The following EYS variants were observed in gnomAD, a reference collection of about 807,000 sequenced individuals.
EYS encodes protein eyes shut homolog.
In EYS, 250 loss-of-function variants were observed where a neutral mutation model predicts 282.1. That is an observed-to-expected ratio of 0.89 (90% CI 0.80 to 0.98). The LOEUF (loss-of-function observed/expected upper bound fraction) is 0.98, where lower values mean the gene tolerates loss of function less well. EYS is among the 50% of genes least tolerant of loss of function. The probability of loss-of-function intolerance (pLI) is 0.00; values close to 1 mark genes in which losing one functional copy is unlikely to be tolerated. For synonymous variants in EYS, 1,355 were observed against 1,282.9 expected, an observed-to-expected ratio of 1.06 and a Z score of -1.20; for missense variants, 4,016 against 3,709.0, an observed-to-expected ratio of 1.08 and a Z score of -2.15.
At chr6:65,316,563 G>A (rs544810874) in intron 11 of EYS, among the ~76,000 whole-genome samples, 2 of 150,196 alleles carry the variant, frequency 1.3e-5, no homozygotes, top group Admixed American at 6.7e-5. Context: ...CAAGTGCCAC[G>A]GTGGTTTGCT....
chr6:64,388,098 A>G (rs1772972807), intron 29 of EYS, among the ~76,000 whole-genome samples: 1 of 152,124 alleles, frequency 6.6e-6, no homozygotes, highest in South Asian at 2.1e-4. Flanking sequence ...TTTTAAAGCA[A>G]TTTGCTGCAA....
At chr6:65,309,296 GGAAAGTTTGCAGGCCTCT>G in intron 11 of EYS, among the ~76,000 whole-genome samples, 1 of 152,098 alleles carries the variant, frequency 6.6e-6, no homozygotes, top group South Asian at 2.1e-4. Context: ...CCTTAGAAGG[GGAAAGTTTGCAGGCCTCT>G]GAAATGACAT....
At chr6:64,410,864 C>A (rs575429328) in intron 28 of EYS, among the ~76,000 whole-genome samples, 2 of 152,112 alleles carry the variant, frequency 1.3e-5, no homozygotes, top group Admixed American at 1.3e-4. Flanking sequence ...AGGACACTTT[C>A]TTTCCTCAGA....
chr6:63,838,188 GT>G (rs1426491083), intron 36 of EYS, among the ~76,000 whole-genome samples: 9 of 151,588 alleles, frequency 5.9e-5, no homozygotes, highest in African/African-American at 1.9e-4. Context: ...GAGTCTGGTG[GT>G]GATACTTGCT....
At chr6:63,872,005 C>T (rs1772819062) in intron 35 of EYS, among the ~76,000 whole-genome samples, 1 of 152,174 alleles carries the variant, frequency 6.6e-6, no homozygotes, top group South Asian at 2.1e-4. Flanking sequence ...TCCCAGTGGG[C>T]AAATTCTTAG....
chr6:64,747,726 C>A (rs889025601), intron 22 of EYS, among the ~76,000 whole-genome samples: 3 of 152,198 alleles, frequency 2.0e-5, no homozygotes, highest in East Asian at 3.9e-4. Flanking sequence ...TCTGTTTGAG[C>A]CATTAGTGTA....
chr6:64,786,188 A>ATTTTTTTTTTTTTTTTTT, intron 22 of EYS, among the ~76,000 whole-genome samples: 1 of 141,556 alleles, frequency 7.1e-6, no homozygotes, highest in Non-Finnish European at 1.5e-5. Flanking sequence ...CTGGTTCTAC[A>ATTTTTTTTTTTTTTTTTT]TTTTTTTTTT....
intron 26 of EYS, among the ~76,000 whole-genome samples, chr6:64,497,455 G>A (rs1776925421): frequency 6.6e-6 from 1 of 152,094 alleles, no homozygotes; most frequent in Non-Finnish European, 1.5e-5. Flanking sequence ...ATGAACATGA[G>A]CCCAGAAGCA....
At chr6:63,779,137 G>C (rs572866164) in intron 39 of EYS, 3 of 149,652 alleles carry the variant, frequency 2.0e-5, no homozygotes, top group Non-Finnish European at 3.0e-5. Flanking sequence ...TTTTCTTTCA[G>C]AGATTTTGCC....
At chr6:64,960,172 T>C (rs1769864829) in intron 14 of EYS, among the ~76,000 whole-genome samples, 5 of 152,142 alleles carry the variant, frequency 3.3e-5, no homozygotes, top group Admixed American at 3.3e-4. Context: ...AGATATTTTC[T>C]TAATCCTGTT....
chr6:65,236,756 A>G (rs1451056187), intron 12 of EYS, among the ~76,000 whole-genome samples: 1 of 152,176 alleles, frequency 6.6e-6, no homozygotes, highest in East Asian at 1.9e-4. Context: ...TACTATGACT[A>G]TAAAGCAAAG....
intron 19 of EYS, among the ~76,000 whole-genome samples, chr6:64,841,076 A>C (rs1765550282): frequency 6.6e-6 from 1 of 152,086 alleles, no homozygotes; most frequent in African/African-American, 2.4e-5. Context: ...TTCATCATCA[A>C]ATTTTACAGC....
chr6:63,952,150 C>T (rs956797872), intron 35 of EYS, among the ~76,000 whole-genome samples: 4 of 152,262 alleles, frequency 2.6e-5, no homozygotes, highest in Non-Finnish European at 1.5e-5. Context: ...AGCATTCCTA[C>T]AGGACCTCCT....
chr6:64,287,633 T>C (rs1768547317), intron 30 of EYS, among the ~76,000 whole-genome samples: 1 of 129,162 alleles, frequency 7.7e-6, no homozygotes, highest in African/African-American at 2.9e-5. Context: ...AATGAGGCGG[T>C]ATGGCCACCA....
At chr6:65,087,062 C>A (rs1774402880) in intron 12 of EYS, among the ~76,000 whole-genome samples, 1 of 152,098 alleles carries the variant, frequency 6.6e-6, no homozygotes, top group African/African-American at 2.4e-5. Context: ...ACCTCATAAT[C>A]CACCTGCCTT....
rs549092250 is a variant in EYS, at chr6:64,340,930, G to T, written c.6079-33848C>A. Reference sequence around the variant, plus strand: ...AGACATAAACAGACACTTCTCAAAAGAAGACATAAATGGCCAACAAACATC... The same window carrying T: ...AGACATAAACAGACACTTCTCAAAATAAGACATAAATGGCCAACAAACATC... On this transcript the variant is annotated intron_variant, in intron 29 of 42. Transcript: ENST00000503581. 1.2e-4 allele frequency among the ~76,000 whole-genome samples: 18 copies of T among 151,904 alleles called. No individual in the cohort carries two copies. The South Asian group carries it at 1.2e-3, about 11-fold the overall frequency.
intron 26 of EYS, among the ~76,000 whole-genome samples, chr6:64,579,398 A>G (rs1765990762): frequency 6.6e-6 from 1 of 152,144 alleles, no homozygotes; most frequent in African/African-American, 2.4e-5. Flanking sequence ...GAGCCAAGAT[A>G]GTCTTTGCCT....
At chr6:65,159,319 A>G (rs1327493596) in intron 12 of EYS, among the ~76,000 whole-genome samples, 1 of 150,878 alleles carries the variant, frequency 6.6e-6, no homozygotes. Flanking sequence ...GTGACCTGGC[A>G]GTGGGCATTC....
At chr6:64,663,277 C>T (rs539218616) in intron 22 of EYS, among the ~76,000 whole-genome samples, 2 of 152,124 alleles carry the variant, frequency 1.3e-5, no homozygotes, top group Non-Finnish European at 2.9e-5. Flanking sequence ...GGGAAAATTG[C>T]TCAGTTTTTA....
Sources: gnomAD v4.1 joint callset for allele counts (sites outside exome capture counted in the v4.1 genomes callset) on GRCh38, gnomAD v4.1.1 for gene constraint, MANE v1.5 for transcripts, NCBI Gene and HGNC (gene_info 2026-07-23, HGNC 2026-07-21) for gene names.